The following CACNA1A variants were observed in gnomAD, a reference collection of about 807,000 sequenced individuals.
CACNA1A encodes calcium voltage-gated channel subunit alpha1 A.
Under a neutral mutation model 262.4 loss-of-function variants are expected in CACNA1A, and 57 were observed. The ratio of observed to expected loss-of-function variants is 0.22; its 90% CI spans 0.18 to 0.27. The LOEUF (loss-of-function observed/expected upper bound fraction) is 0.27, where lower values mean the gene tolerates loss of function less well. Among genes scored for constraint, CACNA1A ranks in the 10% least tolerant of loss-of-function variants. CACNA1A has a pLI of 1.00. For missense variants in CACNA1A, 2,526 were observed against 3,562.8 expected, an observed-to-expected ratio of 0.71 and a Z score of 7.41; for synonymous variants, 1,431 against 1,419.3, an observed-to-expected ratio of 1.01 and a Z score of -0.18.
chr19:13,367,610 CCTGG>C (rs74181825), intron 4 of CACNA1A, among the ~76,000 whole-genome samples: 35,586 of 151,826 alleles, frequency 0.23, 4,838 homozygotes, highest in Non-Finnish European at 0.31. Flanking sequence ...CACCTGTAGT[CCTGG>C]CTACTCGGGA....
intron 22 of CACNA1A, among the ~76,000 whole-genome samples, chr19:13,278,838 G>C (rs2057215538): frequency 6.6e-6 from 1 of 152,196 alleles, no homozygotes; most frequent in African/African-American, 2.4e-5. Context: ...GGTGCTTGAA[G>C]AGGAATCAGA....
At chr19:13,289,300 C>T (rs1375927659) in intron 19 of CACNA1A, among the ~76,000 whole-genome samples, 2 of 152,008 alleles carry the variant, frequency 1.3e-5, no homozygotes, top group South Asian at 2.1e-4. Context: ...TGCCACCACG[C>T]CTGGCTAACT....
chr19:13,301,672 A>G (rs558497266), intron 17 of CACNA1A, among the ~76,000 whole-genome samples: 11 of 152,362 alleles, frequency 7.2e-5, no homozygotes, highest in African/African-American at 2.6e-4. Context: ...AAAAGCCAAC[A>G]AAGAAAAAGC....
At chr19:13,208,694 C>T in intron 46 of CACNA1A, 62 bp downstream of exon 46, 1 of 1,499,428 alleles carries the variant, frequency 6.7e-7, no homozygotes, top group Admixed American at 2.0e-5. Flanking sequence ...ATGGGGTATC[C>T]CCTTCTCTCC....
chr19:13,385,800 A>G (rs2059602306), intron 3 of CACNA1A, among the ~76,000 whole-genome samples: 1 of 152,226 alleles, frequency 6.6e-6, no homozygotes, highest in Non-Finnish European at 1.5e-5. Context: ...TGAAGCAAAA[A>G]TGTAGAAAAG....
chr19:13,497,521 AATATATATATATATATATATATATAT>A (rs1568709638), intron 1 of CACNA1A, among the ~76,000 whole-genome samples: 27 of 12,572 alleles, frequency 2.1e-3, no homozygotes, highest in Non-Finnish European at 3.1e-3. Context: ...AAAAAAAAAA[AATATATATATATATATATATATATAT>A]ATATATATAT....
At chr19:13,469,711 G>A (rs1268793126) in intron 1 of CACNA1A, among the ~76,000 whole-genome samples, 3 of 149,394 alleles carry the variant, frequency 2.0e-5, no homozygotes, top group East Asian at 2.0e-4. Context: ...CGCCCGCCTC[G>A]GCTCCCCAAA....
chr19:13,341,534 T>C (rs1386648028), intron 6 of CACNA1A, among the ~76,000 whole-genome samples: 1 of 152,156 alleles, frequency 6.6e-6, no homozygotes, highest in African/African-American at 2.4e-5. Context: ...CCTCGCTCAT[T>C]CGGTTCCAGC....
chr19:13,440,030 G>A (rs1162166332), intron 3 of CACNA1A, among the ~76,000 whole-genome samples: 4 of 152,086 alleles, frequency 2.6e-5, no homozygotes, highest in Non-Finnish European at 5.9e-5. Context: ...CACTATCACG[G>A]CTCACTGCAG....
In CACNA1A at chr19:13,286,769, T is replaced by G; in HGVS notation, c.3287A>C (p.Lys1096Thr). ...GCCGGGGTCGGTGCTGTTTCCCATC[T>G]TGGCTGGGCTCTGGGGCAGGCCGGC... ...GHAGLPQSPA[K>T]MGNSTDPGPM... The change falls in exon 20 of 47, where the codon AAG becomes ACG. Residue 1096 changes from lysine to threonine, a missense_variant. This residue lies in a region of CACNA1A where 765 missense variants were observed against 748.6 expected (regional missense o/e 1.02). Transcript: ENST00000360228. 6.2e-7 allele frequency: 1 copy of G among 1,611,876 alleles called. No homozygotes were observed. The highest frequency in any genetic ancestry group is 8.5e-7 in the Non-Finnish European group (1 of 1,179,208).
Position 13,210,670 on chromosome 19 carries a change from G to A in CACNA1A, c.6304-18C>T, listed in dbSNP as rs933016243. ...CTTCTCCTCTGTCACAGCCCCATGG[G>A]ATGGTGCACACAGAAAAAACAGAAA... On this transcript the variant is annotated intron_variant, in intron 43 of 46. Coordinates refer to ENST00000360228, the MANE Select transcript of CACNA1A (RefSeq NM_001127222.2). 2.6e-6 allele frequency: 4 copies of A among 1,559,790 alleles called. No individual in the cohort carries two copies. The African/African-American group carries it at 4.1e-5, about 16-fold the overall frequency.
At chr19:13,323,323 G>A (rs1038942514) in intron 10 of CACNA1A, among the ~76,000 whole-genome samples, 1 of 152,326 alleles carries the variant, frequency 6.6e-6, no homozygotes, top group Middle Eastern at 3.4e-3. Context: ...TCTAACAGGT[G>A]TGAGGTGATA....
intron 1 of CACNA1A, among the ~76,000 whole-genome samples, chr19:13,487,526 T>A (rs1980171130): frequency 6.6e-6 from 1 of 151,974 alleles, no homozygotes; most frequent in African/African-American, 2.4e-5. Flanking sequence ...GCTCAGTGAG[T>A]ACGGGGTCTC....
intron 9 of CACNA1A, among the ~76,000 whole-genome samples, chr19:13,331,509 T>C (rs940734838): frequency 1.3e-5 from 2 of 152,130 alleles, no homozygotes; most frequent in Non-Finnish European, 2.9e-5. Context: ...AGTGCTGGGA[T>C]TACAGGCATG....
intron 5 of CACNA1A, among the ~76,000 whole-genome samples, chr19:13,360,249 C>CTG (rs57607096): frequency 0.08 from 8,744 of 108,944 alleles, 440 homozygotes; most frequent in Non-Finnish European, 0.12. Context: ...TATTAGGTGT[C>CTG]TGTGTGTGTG....
In CACNA1A at chr19:13,299,265, G is replaced by C. The variant is rs2057739342; in HGVS notation, c.2368C>G (p.Arg790Gly). The C allele has an allele frequency of 1.2e-6, 2 of 1,606,468 alleles. No homozygotes were observed. The highest frequency in any genetic ancestry group is 1.7e-6 in the Non-Finnish European group (2 of 1,179,854). The stretch of plus-strand genomic sequence containing the variant: ...TCCATTTCGTTATACAGGGCCTCCC[G>C]GCTGGCCAGCAAGTTCTGCTTTCGC... ...EMRKQNLLASREALYNEMDPD... is the reference protein window; with the variant it reads ...EMRKQNLLASGEALYNEMDPD... Residue 790 changes from arginine (R) to glycine (G), a missense_variant, in exon 19 of 47, where the codon CGG becomes GGG. Coordinates refer to ENST00000360228, the MANE Select transcript of CACNA1A (RefSeq NM_001127222.2).
chr19:13,435,493 A>G (rs1414126284), intron 3 of CACNA1A, among the ~76,000 whole-genome samples: 1 of 152,112 alleles, frequency 6.6e-6, no homozygotes, highest in Non-Finnish European at 1.5e-5. Flanking sequence ...CAGAGAGACA[A>G]CAGTCTTGCC....
intron 38 of CACNA1A, among the ~76,000 whole-genome samples, chr19:13,219,017 A>C: frequency 6.8e-6 from 1 of 147,700 alleles, no homozygotes; most frequent in East Asian, 2.0e-4. Context: ...TACAGGCGTA[A>C]GCCACCATGC....
intron 3 of CACNA1A, among the ~76,000 whole-genome samples, chr19:13,384,342 G>T (rs2059572537): frequency 6.6e-6 from 1 of 152,174 alleles, no homozygotes. Context: ...AGTGGAGAGG[G>T]AGAAGACACA....
Sources: gnomAD v4.1 joint callset for allele counts (sites outside exome capture counted in the v4.1 genomes callset) on GRCh38, gnomAD v4.1.1 for gene constraint, gnomAD v4.1.1 regional missense constraint, MANE v1.5 for transcripts, NCBI Gene and HGNC (gene_info 2026-07-23, HGNC 2026-07-21) for gene names.